TMEM244: variants seen among roughly 807,000 people sequenced by gnomAD.
The protein encoded by TMEM244 is putative transmembrane protein 244.
In TMEM244, 13 loss-of-function variants were observed where a neutral mutation model predicts 15.8. That is an observed-to-expected ratio of 0.82 (90% CI 0.53 to 1.30). The LOEUF (loss-of-function observed/expected upper bound fraction) is 1.30, where lower values mean the gene tolerates loss of function less well. Among genes scored for constraint, TMEM244 ranks in the 50% most tolerant of loss-of-function variants. TMEM244 has a pLI of 0.00. For synonymous variants in TMEM244, 45 were observed against 48.7 expected (o/e 0.92, Z 0.32); for missense variants, 161 against 144.9 (o/e 1.11, Z -0.57).
At chr6:129,849,387 C>T (rs13204622) in intron 1 of TMEM244, among the ~76,000 whole-genome samples, 9,574 of 152,156 alleles carry the variant, frequency 0.063, 522 homozygotes, top group African/African-American at 0.14. Context: ...GCCTATGGAA[C>T]ATAACAATTT....
intron 2 of TMEM244, among the ~76,000 whole-genome samples, chr6:129,843,848 C>T (rs1340416625): frequency 6.6e-6 from 1 of 152,114 alleles, no homozygotes; most frequent in African/African-American, 2.4e-5. Context: ...GTAACAGTTA[C>T]AGCAAAATTT....
rs1023693557 is a variant in TMEM244, at chr6:129,838,472, A to G, written c.194-4887T>C. ...GAAATTTATAGCACTAAATGCCCACAAGAGAAAGCAGGAAAGAGCTAAAAT... is the reference window on the plus strand; with the variant it reads ...GAAATTTATAGCACTAAATGCCCACGAGAGAAAGCAGGAAAGAGCTAAAAT... On this transcript the variant is annotated intron_variant, in intron 3 of 4. Coordinates refer to ENST00000368143, the MANE Select transcript of TMEM244 (RefSeq NM_001010876.2). Among the ~76,000 whole-genome samples, 7 of 152,350 alleles carry G rather than the reference A, an allele frequency of 4.6e-5. No homozygotes were observed. The East Asian group carries it at 1.3e-3, about 29-fold the overall frequency.
At chr6:129,849,318 T>C (rs1776605043) in intron 1 of TMEM244, among the ~76,000 whole-genome samples, 1 of 152,166 alleles carries the variant, frequency 6.6e-6, no homozygotes, top group Non-Finnish European at 1.5e-5. Context: ...ATAATACTTT[T>C]CTCATAAGCA....
chr6:129,854,120 A>G (rs1433180642), intron 1 of TMEM244, among the ~76,000 whole-genome samples: 1 of 152,284 alleles, frequency 6.6e-6, no homozygotes, highest in East Asian at 1.9e-4. Flanking sequence ...ACCTCATTTT[A>G]TTTAAGAAGG....
chr6:129,854,461 G>T (rs1348173022), intron 1 of TMEM244, among the ~76,000 whole-genome samples: 1 of 152,120 alleles, frequency 6.6e-6, no homozygotes, highest in Non-Finnish European at 1.5e-5. Context: ...AAAGGAAGAG[G>T]TAAGAAGAGA....
At chr6:129,856,699 T>C (rs1776718080) in intron 1 of TMEM244, among the ~76,000 whole-genome samples, 1 of 152,130 alleles carries the variant, frequency 6.6e-6, no homozygotes, top group African/African-American at 2.4e-5. Flanking sequence ...TCATCTCTCC[T>C]TTTTCTTTTC....
intron 1 of TMEM244, among the ~76,000 whole-genome samples, chr6:129,860,384 G>C (rs908388600): frequency 5.3e-5 from 8 of 151,856 alleles, no homozygotes; most frequent in Middle Eastern, 3.2e-3. Context: ...ATTTTTCTTA[G>C]CTGTTGTCAT....
chr6:129,861,075 A>T (rs760113272), intron 1 of TMEM244, 81 bp downstream of exon 1: 182 of 1,473,280 alleles, frequency 1.2e-4, no homozygotes, highest in Non-Finnish European at 1.6e-4. Context: ...ACTGACAGAG[A>T]GGCCATTTAT....
chr6:129,840,135 A>G (rs1273219388), intron 3 of TMEM244, among the ~76,000 whole-genome samples: 1 of 152,210 alleles, frequency 6.6e-6, no homozygotes, highest in African/African-American at 2.4e-5. Context: ...AATCCTAAGC[A>G]AAAAGAACAA....
rs1024275389 is a variant in TMEM244 at position 129,861,166 on chromosome 6, G to A, written c.23C>T (p.Ala8Val). MALQVRV[A>V]PSKVVLQKFL... ...GTAATTTCTCTTTACCTTGCTTGGAGCAACTCTGACCTGGAGAGCCATGTA... is the reference window on the plus strand; with the variant it reads ...GTAATTTCTCTTTACCTTGCTTGGAACAACTCTGACCTGGAGAGCCATGTA... The change falls in exon 1 of 5, where the codon GCT becomes GTT. Residue 8 changes from alanine (A) to valine (V), a missense_variant. Ala to Val is a moderately conservative substitution (Grantham distance 64, BLOSUM62 0). Transcript: ENST00000368143. 5 of 1,613,812 alleles carry A rather than the reference G, an allele frequency of 3.1e-6. No homozygotes were observed. In the Admixed American group the frequency reaches 6.7e-5, roughly 22 times the overall value.
chr6:129,835,029 T>G (rs1776383603), intron 3 of TMEM244, among the ~76,000 whole-genome samples: 1 of 152,212 alleles, frequency 6.6e-6, no homozygotes, highest in African/African-American at 2.4e-5. Context: ...AAAGAAAGCA[T>G]GACTTAAAGG....
At chr6:129,849,562 A>G (rs1003755217) in intron 1 of TMEM244, among the ~76,000 whole-genome samples, 1 of 152,092 alleles carries the variant, frequency 6.6e-6, no homozygotes, top group Non-Finnish European at 1.5e-5. Flanking sequence ...GATGCAGTTG[A>G]GCTGTTGTTC....
Position 129,861,242 on chromosome 6 carries a change from C to T in TMEM244, c.-54G>A. ...AAAGCCCCACTCCTTATAGCGATGA[C>T]ATCTGGAAGAAGACACAATTGTCAC... On this transcript the variant is annotated 5_prime_UTR_variant, in exon 1 of 5. It removes an upstream start codon present in the reference 5' UTR. Coordinates refer to ENST00000368143, the MANE Select transcript of TMEM244 (RefSeq NM_001010876.2). 6.3e-7 allele frequency: 1 copy of T among 1,598,690 alleles called. No individual in the cohort carries two copies. The highest frequency in any genetic ancestry group is 8.6e-7 in the Non-Finnish European group (1 of 1,168,130).
At chr6:129,841,420 G>A (rs563444137) in intron 3 of TMEM244, among the ~76,000 whole-genome samples, 8 of 149,360 alleles carry the variant, frequency 5.4e-5, no homozygotes, top group African/African-American at 2.0e-4. Flanking sequence ...GGGTCCGGTC[G>A]GGGGGTGGGG....
At chr6:129,844,324 G>A (rs1776533427) in intron 2 of TMEM244, among the ~76,000 whole-genome samples, 1 of 152,126 alleles carries the variant, frequency 6.6e-6, no homozygotes, top group Non-Finnish European at 1.5e-5. Context: ...GATAGTTCCT[G>A]CCATCAAACG....
intron 1 of TMEM244, among the ~76,000 whole-genome samples, chr6:129,848,195 G>A (rs1361448165): frequency 6.6e-6 from 1 of 152,048 alleles, no homozygotes; most frequent in East Asian, 1.9e-4. Context: ...ATAGCTTGTG[G>A]TTCCATGATA....
intron 2 of TMEM244, 151 bp from the exon 3 acceptor site, chr6:129,843,754 G>C (rs181315686): frequency 2.2e-5 from 12 of 540,452 alleles, no homozygotes; most frequent in Non-Finnish European, 2.7e-5. Flanking sequence ...GAATGTGAAG[G>C]AATCAGCAAT....
intron 2 of TMEM244, among the ~76,000 whole-genome samples, chr6:129,844,101 G>A (rs1287538939): frequency 6.8e-6 from 1 of 146,304 alleles, no homozygotes. Context: ...GTTGAAAAAA[G>A]TTACAAAATG....
At chr6:129,860,850 T>A (rs1317952431) in intron 1 of TMEM244, among the ~76,000 whole-genome samples, 5 of 151,228 alleles carry the variant, frequency 3.3e-5, no homozygotes, top group Non-Finnish European at 7.4e-5. Flanking sequence ...GAACAAACTG[T>A]CATGATTTCA....
Sources: allele counts gnomAD v4.1 joint callset (sites outside exome capture counted in the v4.1 genomes callset), GRCh38; gene constraint gnomAD v4.1.1; transcripts MANE v1.5; gene names NCBI Gene and HGNC (gene_info 2026-07-23, HGNC 2026-07-21).